GABRA3: variants seen among roughly 807,000 people sequenced by gnomAD.
GABRA3 encodes the protein gamma-aminobutyric acid receptor subunit alpha-3.
GABRA3 carries 10 observed loss-of-function variants against 30.1 expected under a neutral mutation model. The observed-to-expected ratio is 0.33, with a 90% CI of 0.20 to 0.56. The LOEUF (loss-of-function observed/expected upper bound fraction) is 0.56, where lower values mean the gene tolerates loss of function less well. GABRA3 is among the 20% of genes least tolerant of loss of function. GABRA3 has a pLI of 0.89. For synonymous variants in GABRA3, 151 were observed against 146.8 expected (o/e 1.03, Z -0.21); for missense variants, 233 against 392.0 (o/e 0.59, Z 3.42).
At chrX:152,300,444 A>T (rs1939610867) in intron 3 of GABRA3, among the ~76,000 whole-genome samples, 1 of 111,944 alleles carries the variant, frequency 8.9e-6, no homozygotes, top group African/African-American at 3.3e-5. Flanking sequence ...AGAGCCCAGA[A>T]TCTACACAGC....
At chrX:152,408,830 G>A (rs1343818430) in intron 1 of GABRA3, among the ~76,000 whole-genome samples, 1 of 109,793 alleles carries the variant, frequency 9.1e-6, no homozygotes, top group African/African-American at 3.3e-5. Context: ...TACTACAAAG[G>A]TATAGTAACT....
At chrX:152,345,789 A>G (rs374815430) in intron 2 of GABRA3, 87 bp from the exon 3 acceptor site, 1 of 888,756 alleles carries the variant, frequency 1.1e-6, no homozygotes, top group Non-Finnish European at 1.5e-6. Flanking sequence ...CAAGATTTCA[A>G]TTAATAGACT....
intron 5 of GABRA3, among the ~76,000 whole-genome samples, chrX:152,239,370 C>A (rs5970236): frequency 0.22 from 22,248 of 100,782 alleles, 3,092 homozygotes; most frequent in African/African-American, 0.37. Context: ...AGTTTGTTAT[C>A]ATTTCTGTTC....
chrX:152,228,996 A>C (rs1320093178), intron 5 of GABRA3, among the ~76,000 whole-genome samples: 1 of 111,436 alleles, frequency 9.0e-6, no homozygotes, highest in Non-Finnish European at 1.9e-5. Context: ...TAAATATAAA[A>C]AATAATTTCA....
chrX:152,275,240 T>TAATATTATATATATAATTTATATA (rs1569378362), intron 4 of GABRA3, among the ~76,000 whole-genome samples: 1 of 48,062 alleles, frequency 2.1e-5, no homozygotes, highest in African/African-American at 1.2e-4. Context: ...TATATATATT[T>TAATATTATATATATAATTTATATA]TATTATATAT....
intron 3 of GABRA3, among the ~76,000 whole-genome samples, chrX:152,328,708 TAAG>T (rs1940109522): frequency 9.0e-6 from 1 of 111,325 alleles, no homozygotes; most frequent in Non-Finnish European, 1.9e-5. Context: ...CTCAAAATAA[TAAG>T]AGCTATTTAT....
chrX:152,283,093 C>A (rs774588568), intron 4 of GABRA3, among the ~76,000 whole-genome samples: 2 of 111,346 alleles, frequency 1.8e-5, no homozygotes, highest in Non-Finnish European at 3.8e-5. Context: ...TAGTTGGGCT[C>A]GTAAGGAGTA....
chrX:152,228,661 G>T (rs1192357515), intron 5 of GABRA3, among the ~76,000 whole-genome samples: 1 of 111,634 alleles, frequency 9.0e-6, no homozygotes, highest in African/African-American at 3.3e-5. Flanking sequence ...TCTTGTGTCT[G>T]GTTCTTTGAG....
chrX:152,404,736 TTATTATTA>T (rs1569418546), intron 1 of GABRA3, among the ~76,000 whole-genome samples: 2,696 of 59,951 alleles, frequency 0.045, 50 homozygotes, highest in African/African-American at 0.13. Context: ...AAGTCATTTA[TTATTATTA>T]TTATTATTAT....
intron 4 of GABRA3, among the ~76,000 whole-genome samples, chrX:152,278,991 T>C (rs1031850475): frequency 5.4e-5 from 6 of 111,868 alleles, no homozygotes; most frequent in Non-Finnish European, 9.4e-5. Context: ...TTTGAGTTCT[T>C]TGTAGATTCT....
rs137968234 is a variant in GABRA3 at position 152,190,311 on chromosome X, C to T, written c.932-370G>A. Among the ~76,000 whole-genome samples, 729 of 109,767 alleles carry T rather than the reference C, an allele frequency of 6.6e-3. 8 individuals are homozygous for T. Among genetic ancestry groups the T allele is most frequent in the African/African-American group, 0.023 (693 of 30,230 alleles). On this transcript the variant is annotated intron_variant, in intron 8 of 9. Coordinates refer to ENST00000370314, the MANE Select transcript of GABRA3 (RefSeq NM_000808.4). ...AATCTGGCTTCTTCTAGCTACTGGT[C>T]CACAGACCGATCTTGGAGTGTCTTC...
At chrX:152,424,976 G>A (rs1192184079) in intron 1 of GABRA3, among the ~76,000 whole-genome samples, 1 of 91,522 alleles carries the variant, frequency 1.1e-5, no homozygotes, top group Non-Finnish European at 2.1e-5. Flanking sequence ...TCTGCCACCC[G>A]GGCTGGAATG....
At chrX:152,178,269 T>C (rs199827767) in intron 9 of GABRA3, among the ~76,000 whole-genome samples, 4 of 90,750 alleles carry the variant, frequency 4.4e-5, no homozygotes, top group Admixed American at 1.2e-4. Flanking sequence ...TGTGTGTGCG[T>C]GTGTGTGTGT....
At chrX:152,196,364 C>A (rs1223039118) in intron 8 of GABRA3, among the ~76,000 whole-genome samples, 46 of 97,054 alleles carry the variant, frequency 4.7e-4, no homozygotes, top group African/African-American at 1.8e-3. Context: ...CTCTATTGAA[C>A]TCCAGCCTGG....
chrX:152,362,691 G>GA (rs1464863408), intron 2 of GABRA3, among the ~76,000 whole-genome samples: 1 of 111,509 alleles, frequency 9.0e-6, no homozygotes, highest in African/African-American at 3.3e-5. Flanking sequence ...GGTGCTAGCA[G>GA]AAAAGTTGGA....
chrX:152,293,466 G>A (rs1011306159), intron 3 of GABRA3, among the ~76,000 whole-genome samples: 22 of 110,858 alleles, frequency 2.0e-4, no homozygotes, highest in Admixed American at 1.6e-3. Context: ...CACGTGAGAT[G>A]GGTCTCCTGA....
At chrX:152,211,851 T>C (rs1228910041) in intron 6 of GABRA3, among the ~76,000 whole-genome samples, 1 of 111,286 alleles carries the variant, frequency 9.0e-6, no homozygotes, top group African/African-American at 3.3e-5. Flanking sequence ...GAGGCCACCT[T>C]TAGTAGGTGA....
chrX:152,225,718 G>A (rs1187470751), intron 5 of GABRA3, among the ~76,000 whole-genome samples: 1 of 106,887 alleles, frequency 9.4e-6, no homozygotes, highest in Non-Finnish European at 1.9e-5. Context: ...AACTTTCCTC[G>A]GGTTAGATAG....
chrX:152,247,881 T>C (rs1450062814), intron 5 of GABRA3, among the ~76,000 whole-genome samples: 2 of 111,332 alleles, frequency 1.8e-5, no homozygotes. Context: ...ATATGTAAAC[T>C]CTCTAACCCC....
Sources: gnomAD v4.1 joint callset for allele counts (sites outside exome capture counted in the v4.1 genomes callset) on GRCh38, gnomAD v4.1.1 for gene constraint, MANE v1.5 for transcripts, NCBI Gene and HGNC (gene_info 2026-07-23, HGNC 2026-07-21) for gene names.